GRIN2B: variants seen among roughly 807,000 people sequenced by gnomAD.
GRIN2B encodes glutamate ionotropic receptor NMDA type subunit 2B, also known as glutamate receptor ionotropic, NMDA 2B.
Under a neutral mutation model 114.5 loss-of-function variants are expected in GRIN2B, and 5 were observed. The ratio of observed to expected loss-of-function variants is 0.04; its 90% CI spans 0.02 to 0.09. The LOEUF is 0.09. Ranked by LOEUF, GRIN2B falls within the 10% of genes least tolerant of loss-of-function variation. The pLI is 1.00. For missense variants in GRIN2B, 1,108 were observed against 1,943.5 expected (o/e 0.57, Z 8.08); for synonymous variants, 787 against 745.1 (o/e 1.06, Z -0.92).
chr12:13,759,635 T>C (rs148821089), intron 3 of GRIN2B, among the ~76,000 whole-genome samples: 287 of 152,300 alleles, frequency 1.9e-3, no homozygotes, highest in African/African-American at 6.5e-3. Context: ...CCACTTGCAG[T>C]CCTCCTTATC....
intron 10 of GRIN2B, among the ~76,000 whole-genome samples, chr12:13,586,137 T>G (rs1057174217): frequency 6.6e-6 from 1 of 152,188 alleles, no homozygotes; most frequent in Admixed American, 6.5e-5. Context: ...TTGATGAAAA[T>G]CATTCTAAAC....
intron 3 of GRIN2B, among the ~76,000 whole-genome samples, chr12:13,852,900 C>T (rs1031587637): frequency 6.6e-6 from 1 of 152,118 alleles, no homozygotes; most frequent in Non-Finnish European, 1.5e-5. Context: ...CCTGCCAATA[C>T]CTCAGGCCCT....
At chr12:13,808,750 A>T (rs867811557) in intron 3 of GRIN2B, among the ~76,000 whole-genome samples, 15,970 of 107,408 alleles carry the variant, frequency 0.15, 1,283 homozygotes, top group African/African-American at 0.21. Flanking sequence ...TAATAAAAAA[A>T]AAATATATAT....
At chr12:13,748,115 T>C (rs1863419806) in intron 4 of GRIN2B, among the ~76,000 whole-genome samples, 1 of 152,176 alleles carries the variant, frequency 6.6e-6, no homozygotes, top group South Asian at 2.1e-4. Context: ...CCTTTTAAGA[T>C]GGCAACTTTC....
chr12:13,812,828 G>A (rs757143147), intron 3 of GRIN2B, among the ~76,000 whole-genome samples: 18 of 151,888 alleles, frequency 1.2e-4, no homozygotes, highest in Admixed American at 2.6e-4. Context: ...TGTCCTTAAC[G>A]TGACAACTGT....
In GRIN2B at chr12:13,828,314, A is replaced by G. The variant is rs187345092; in HGVS notation, c.411+37484T>C. On this transcript the variant is annotated intron_variant, in intron 3 of 13. Transcript: ENST00000609686. ...TGAGTTCTTTCTACTCTAGCTTAAG[A>G]GAACTAGAATGGCCTCTGGCCCAGT... Among the ~76,000 whole-genome samples the G allele has an allele frequency of 4.9e-3, 749 of 152,350 alleles. 3 individuals are homozygous for G. Among genetic ancestry groups the G allele is most frequent in the South Asian group, 0.012 (59 of 4,824 alleles).
chr12:13,841,119 A>G (rs1244794874), intron 3 of GRIN2B, among the ~76,000 whole-genome samples: 1 of 152,196 alleles, frequency 6.6e-6, no homozygotes, highest in East Asian at 1.9e-4. Context: ...CTAGTTGTAG[A>G]TAAATGTGAA....
intron 11 of GRIN2B, among the ~76,000 whole-genome samples, chr12:13,571,287 A>T (rs1432260024): frequency 6.6e-6 from 1 of 152,232 alleles, no homozygotes; most frequent in African/African-American, 2.4e-5. Context: ...AAGCCAACAC[A>T]TGTGTAGGTC....
At chr12:13,625,386 C>T (rs1194595328) in intron 5 of GRIN2B, among the ~76,000 whole-genome samples, 2 of 152,132 alleles carry the variant, frequency 1.3e-5, no homozygotes, top group African/African-American at 4.8e-5. Context: ...CAAGTGGCGA[C>T]CGAAGTTCAC....
At chr12:13,956,613 C>T (rs1867596896) in intron 2 of GRIN2B, among the ~76,000 whole-genome samples, 1 of 152,158 alleles carries the variant, frequency 6.6e-6, no homozygotes, top group Admixed American at 6.5e-5. Context: ...CCTGTGTGGG[C>T]TCACATCTGT....
intron 4 of GRIN2B, among the ~76,000 whole-genome samples, chr12:13,712,755 A>C (rs1950425652): frequency 6.6e-6 from 1 of 151,910 alleles, no homozygotes; most frequent in African/African-American, 2.4e-5. Context: ...ATTGCTATAA[A>C]GTATAGGGCG....
chr12:13,773,022 C>T (rs1863935261), intron 3 of GRIN2B, among the ~76,000 whole-genome samples: 1 of 152,136 alleles, frequency 6.6e-6, no homozygotes, highest in South Asian at 2.1e-4. Flanking sequence ...TTTCACACTC[C>T]AACACAATCA....
rs1374823942 is a variant in GRIN2B at position 13,945,264 on chromosome 12, G to C, written c.-19+34664C>G. 3.9e-5 allele frequency among the ~76,000 whole-genome samples: 6 copies of C among 152,148 alleles called. No homozygotes were observed. The East Asian group carries it at 1.2e-3, about 29-fold the overall frequency. ...GTTCCAGATTCTTAATCCATTGAAG[G>C]TATCATTGTTATGACATTAGAAAGA... On this transcript the variant is annotated intron_variant, in intron 2 of 13. Coordinates refer to ENST00000609686, the MANE Select transcript of GRIN2B (RefSeq NM_000834.5).
intron 4 of GRIN2B, among the ~76,000 whole-genome samples, chr12:13,735,974 C>T (rs756250606): frequency 3.3e-5 from 5 of 151,760 alleles, no homozygotes; most frequent in Non-Finnish European, 7.4e-5. Context: ...GCATGTGTGT[C>T]CTTTACACGG....
chr12:13,743,757 G>A (rs1266037868), intron 4 of GRIN2B, among the ~76,000 whole-genome samples: 2 of 151,940 alleles, frequency 1.3e-5, no homozygotes, highest in Admixed American at 6.6e-5. Context: ...TTAGTGAGAC[G>A]ATATACAAGA....
intron 4 of GRIN2B, chr12:13,683,640 T>G (rs1950150881): frequency 6.3e-6 from 1 of 157,580 alleles, no homozygotes; most frequent in African/African-American, 2.4e-5. Flanking sequence ...CCTTCCTCCC[T>G]CACTACTCCA....
intron 3 of GRIN2B, among the ~76,000 whole-genome samples, chr12:13,855,184 C>T (rs1865639187): frequency 6.6e-6 from 1 of 152,068 alleles, no homozygotes; most frequent in Non-Finnish European, 1.5e-5. Context: ...TGCCACTGCA[C>T]TCCAGGCTGG....
At chr12:13,712,970 T>C (rs1950427094) in intron 4 of GRIN2B, among the ~76,000 whole-genome samples, 1 of 151,884 alleles carries the variant, frequency 6.6e-6, no homozygotes, top group Non-Finnish European at 1.5e-5. Context: ...CATAACTATA[T>C]ACAACGCAAG....
rs933284925 is a variant in GRIN2B, at chr12:13,548,029, G to A, written c.*14754C>T. 7.0e-6 allele frequency: 1 copy of A among 142,642 alleles called. No homozygotes were observed. The highest frequency in any genetic ancestry group is 1.5e-5 in the Non-Finnish European group (1 of 66,130). The allele number at this position is 142,642 out of a possible 1,614,324, so 8.8% of individuals were successfully genotyped here. ...TACAGAAGAGACCACGGAGATGTGT[G>A]AGCTGCCAAGGTGCCAATGATCAAA... On this transcript the variant is annotated 3_prime_UTR_variant, in exon 14 of 14. Coordinates refer to ENST00000609686, the MANE Select transcript of GRIN2B (RefSeq NM_000834.5).
Sources: gnomAD v4.1 joint callset for allele counts (sites outside exome capture counted in the v4.1 genomes callset) on GRCh38, gnomAD v4.1.1 for gene constraint, MANE v1.5 for transcripts, NCBI Gene and HGNC (gene_info 2026-07-23, HGNC 2026-07-21) for gene names.